GARNL3: variants seen among roughly 807,000 people sequenced by gnomAD.
The protein encoded by GARNL3 is GTPase-activating Rap/Ran-GAP domain-like protein 3.
In GARNL3, 63 loss-of-function variants were observed where a neutral mutation model predicts 125.0. The ratio of observed to expected loss-of-function variants is 0.50; its 90% confidence interval spans 0.41 to 0.62. The LOEUF is 0.62. Ranked by LOEUF, GARNL3 falls within the 20% of genes least tolerant of loss-of-function variation. The probability of loss-of-function intolerance (pLI) is 0.00; values close to 1 mark genes in which losing one functional copy is unlikely to be tolerated. For synonymous variants in GARNL3, 439 were observed against 457.5 expected, an observed-to-expected ratio of 0.96 and a Z score of 0.52; for missense variants, 994 against 1,244.0, an observed-to-expected ratio of 0.80 and a Z score of 3.02.
At chr9:127,228,100 A>G (rs1018602298) in intron 1 of GARNL3, among the ~76,000 whole-genome samples, 2 of 152,240 alleles carry the variant, frequency 1.3e-5, no homozygotes, top group African/African-American at 2.4e-5. Context: ...TCCACTTAAT[A>G]TAGTGTAAGG....
chr9:127,331,366 G>A (rs1387973530), intron 7 of GARNL3, among the ~76,000 whole-genome samples: 30 of 152,012 alleles, frequency 2.0e-4, no homozygotes, highest in Admixed American at 1.9e-3. Context: ...GGTGGCATAT[G>A]CTTGTAATCC....
intron 2 of GARNL3, among the ~76,000 whole-genome samples, chr9:127,299,151 C>T (rs1046487493): frequency 6.6e-6 from 1 of 151,884 alleles, no homozygotes; most frequent in Non-Finnish European, 1.5e-5. Flanking sequence ...CCCGTCTCTA[C>T]TAAAAATACA....
intron 1 of GARNL3, among the ~76,000 whole-genome samples, chr9:127,241,986 C>T (rs2063213996): frequency 6.6e-6 from 1 of 151,666 alleles, no homozygotes; most frequent in Non-Finnish European, 1.5e-5. Flanking sequence ...TTTTAATATG[C>T]CTGCAGCCTT....
At chr9:127,309,811 G>T (rs1157341452) in intron 2 of GARNL3, among the ~76,000 whole-genome samples, 1 of 152,032 alleles carries the variant, frequency 6.6e-6, no homozygotes, top group African/African-American at 2.4e-5. Context: ...CCAATTGAAG[G>T]AAACATCTTT....
At chr9:127,387,919 A>G (rs937239869) in intron 25 of GARNL3, among the ~76,000 whole-genome samples, 2 of 152,196 alleles carry the variant, frequency 1.3e-5, no homozygotes, top group African/African-American at 4.8e-5. Flanking sequence ...GCTGAGGCAG[A>G]TGGATCGCTT....
chr9:127,345,598 C>T, intron 16 of GARNL3, 121 bp downstream of exon 16: 1 of 610,198 alleles, frequency 1.6e-6, no homozygotes, highest in South Asian at 2.5e-5. Context: ...CTGCAGAGTC[C>T]TCAGGGAAAG....
Position 127,242,128 on chromosome 9 carries a change from T to G in GARNL3, c.-28-951T>G, listed in dbSNP as rs2063216144. On this transcript the variant is annotated intron_variant, in intron 1 of 10. Transcript: ENST00000439286. The surrounding 1 kb of genome is among the most constrained non-coding windows in gnomAD (Gnocchi z 4.6). ...ACTCCCTTCTCATGCATAAAATCTTTCTGAGCCATTAGGCCTTTTGTCTTT... is the reference window on the plus strand; with the variant it reads ...ACTCCCTTCTCATGCATAAAATCTTGCTGAGCCATTAGGCCTTTTGTCTTT... Among the ~76,000 whole-genome samples the G allele has an allele frequency of 6.6e-6, 1 of 152,216 alleles. No individual in the cohort carries two copies. The highest frequency in any genetic ancestry group is 1.5e-5 in the Non-Finnish European group (1 of 68,038).
At chr9:127,278,525 T>G (rs1246465720) in intron 1 of GARNL3, among the ~76,000 whole-genome samples, 4 of 152,226 alleles carry the variant, frequency 2.6e-5, no homozygotes, top group Non-Finnish European at 5.9e-5. Flanking sequence ...TCATTACATA[T>G]CTGAGCATGT....
chr9:127,247,882 T>A (rs2063330485), intron 2 of GARNL3, among the ~76,000 whole-genome samples: 3 of 152,202 alleles, frequency 2.0e-5, no homozygotes, highest in Admixed American at 2.0e-4. Flanking sequence ...TCATCCTTTC[T>A]ATTTTTTCGT....
At chr9:127,245,364 T>G (rs1227126411) in intron 2 of GARNL3, 1 of 152,570 alleles carries the variant, frequency 6.6e-6, no homozygotes, top group African/African-American at 2.4e-5. Context: ...ATGGCAAAGC[T>G]GCCACGCGCA....
chr9:127,363,522 G>A (rs1341627235), intron 21 of GARNL3: 1 of 152,324 alleles, frequency 6.6e-6, no homozygotes, highest in Non-Finnish European at 1.5e-5. Context: ...TGGCCAGTTG[G>A]GGCCTTGGCA....
In GARNL3 at chr9:127,387,403, T is replaced by C. The variant is rs1458030772; in HGVS notation, c.2527+72T>C. ...AATTTCTCTAGTTTGTTGTCTAATA[T>C]CTACATGTGATTACTGTTTAAAGAA... On this transcript the variant is annotated intron_variant, in intron 25 of 27. Coordinates refer to ENST00000373387, the MANE Select transcript of GARNL3 (RefSeq NM_032293.5). The C allele has an allele frequency of 3.7e-6, 5 of 1,358,080 alleles. No homozygotes were observed. In the African/African-American group the frequency reaches 7.3e-5, roughly 20 times the overall value. 84.1% of individuals were successfully genotyped at this position (1,358,080 alleles called of 1,614,324 possible). A position where few individuals can be genotyped will look rare whatever the true frequency, so the allele number is the denominator to read the frequency against.
At chr9:127,305,140 G>A (rs900209081) in intron 2 of GARNL3, among the ~76,000 whole-genome samples, 3 of 152,120 alleles carry the variant, frequency 2.0e-5, no homozygotes, top group Non-Finnish European at 2.9e-5. Context: ...TAATGACTGG[G>A]GAAATGAACA....
intron 1 of GARNL3, among the ~76,000 whole-genome samples, chr9:127,239,529 C>G (rs769456481): frequency 6.6e-6 from 1 of 152,202 alleles, no homozygotes; most frequent in African/African-American, 2.4e-5. Flanking sequence ...TTTGGCCACT[C>G]TCTTGTTTCA....
chr9:127,328,011 C>G (rs1230221574), intron 7 of GARNL3, among the ~76,000 whole-genome samples: 1 of 152,094 alleles, frequency 6.6e-6, no homozygotes, highest in East Asian at 1.9e-4. Flanking sequence ...CATGCACATG[C>G]CTGTTGTAAC....
At chr9:127,293,236 C>T (rs2064479998) in intron 2 of GARNL3, among the ~76,000 whole-genome samples, 1 of 152,198 alleles carries the variant, frequency 6.6e-6, no homozygotes, top group Admixed American at 6.5e-5. Context: ...GTAAAGGACT[C>T]ACTATATATA....
chr9:127,265,936 C>T (rs77424646), intron 1 of GARNL3, among the ~76,000 whole-genome samples: 193 of 152,302 alleles, frequency 1.3e-3, no homozygotes, highest in African/African-American at 4.5e-3. Context: ...GACTGTGTAC[C>T]TAGCCTGGAG....
In GARNL3 at chr9:127,385,981, CAT is replaced by C. The variant is rs1197608668; in HGVS notation, c.2388+839_2388+840del. 3.9e-5 allele frequency among the ~76,000 whole-genome samples: 6 copies of C among 152,218 alleles called. No individual in the cohort carries two copies. The highest frequency in any genetic ancestry group is 1.9e-4 in the East Asian group (1 of 5,196). On this transcript the variant is annotated intron_variant, in intron 24 of 27. Coordinates refer to ENST00000373387, the MANE Select transcript of GARNL3 (RefSeq NM_032293.5). This position sits in a 1 kb window ranked among gnomAD's most constrained non-coding sequence, Gnocchi z 4.1. ...TGTGTACATATCTGCATGTATGTAT[CAT>C]ATGCGTGTACATTAGTTGATTGTAA... is the stretch of plus-strand genomic sequence containing the variant.
In GARNL3 at chr9:127,313,614, AC is replaced by A. The variant is rs879252903; in HGVS notation, c.438+59del. 158 of 1,134,090 alleles carry A rather than the reference AC, an allele frequency of 1.4e-4. 1 individual carries two copies. The South Asian group carries it at 1.7e-3, about 12-fold the overall frequency. 70.3% of individuals were successfully genotyped at this position (1,134,090 alleles called of 1,614,324 possible). On this transcript the variant is annotated intron_variant, in intron 4 of 27. Transcript: ENST00000373387. ...ATTTATGCATCAGTTTCAGGAGATA[AC>A]CCCTGTGCTGTGGAACTGTGTGCCA... is the stretch of plus-strand genomic sequence containing the variant.
Sources: gnomAD v4.1 joint callset for allele counts (sites outside exome capture counted in the v4.1 genomes callset) on GRCh38, gnomAD v4.1.1 for gene constraint, Gnocchi (gnomAD v3.1) non-coding constraint, MANE v1.5 for transcripts, NCBI Gene and HGNC (gene_info 2026-07-23, HGNC 2026-07-21) for gene names.